Variants in DENND2B observed in about 807,000 individuals in gnomAD.
The protein encoded by DENND2B is DENN domain containing 2B.
A neutral mutation model predicts 116.0 loss-of-function variants in DENND2B; 32 were observed. That is an observed-to-expected ratio of 0.28 (90% CI 0.21 to 0.37). DENND2B has a LOEUF of 0.37. Among genes scored for constraint, DENND2B ranks in the 10% least tolerant of loss-of-function variants. The pLI is 1.00. For missense variants in DENND2B, 1,276 were observed against 1,477.7 expected (o/e 0.86, Z 2.24); for synonymous variants, 588 against 583.9 (o/e 1.01, Z -0.10).
intron 3 of DENND2B, among the ~76,000 whole-genome samples, chr11:8,853,161 C>T (rs2063069966): frequency 6.6e-6 from 1 of 152,096 alleles, no homozygotes; most frequent in South Asian, 2.1e-4. Context: ...GTCAGAAGTT[C>T]GAGACCGGCC....
intron 1 of DENND2B, among the ~76,000 whole-genome samples, chr11:8,800,416 A>T (rs2060213637): frequency 1.3e-5 from 2 of 152,192 alleles, no homozygotes; most frequent in African/African-American, 4.8e-5. Flanking sequence ...CATCGAGGCT[A>T]AGCTTCTCCT....
intron 1 of DENND2B, among the ~76,000 whole-genome samples, chr11:8,787,439 T>C (rs557138673): frequency 6.6e-6 from 1 of 152,172 alleles, no homozygotes; most frequent in East Asian, 1.9e-4. Context: ...GCCTGCTGAG[T>C]AGCTGGGACT....
intron 4 of DENND2B, among the ~76,000 whole-genome samples, chr11:8,827,438 A>G (rs548516579): frequency 1.3e-5 from 2 of 152,246 alleles, no homozygotes; most frequent in Non-Finnish European, 2.9e-5. Flanking sequence ...GTGATGAAAG[A>G]TTATAGCCAC....
intron 2 of DENND2B, among the ~76,000 whole-genome samples, chr11:8,748,050 A>G (rs1489668802): frequency 6.6e-6 from 1 of 151,972 alleles, no homozygotes; most frequent in Non-Finnish European, 1.5e-5. Flanking sequence ...TCTTCCACCA[A>G]AGCTGGATAC....
chr11:8,846,322 G>T (rs1207655552), intron 3 of DENND2B, among the ~76,000 whole-genome samples: 4 of 152,192 alleles, frequency 2.6e-5, no homozygotes, highest in African/African-American at 9.7e-5. Context: ...GGTAAGGCTG[G>T]TGACATTGGA....
intron 4 of DENND2B, chr11:8,719,068 A>G: frequency 3.0e-6 from 3 of 985,528 alleles, no homozygotes; most frequent in Non-Finnish European, 3.6e-6. Context: ...TGAGTCCCAC[A>G]CTTGTTCTAC....
At chr11:8,735,489 AC>A (rs2048863872) in intron 2 of DENND2B, among the ~76,000 whole-genome samples, 1 of 152,264 alleles carries the variant, frequency 6.6e-6, no homozygotes, top group Non-Finnish European at 1.5e-5. Flanking sequence ...GATTTGCTCC[AC>A]GGCAGCAGTA....
intron 8 of DENND2B, among the ~76,000 whole-genome samples, chr11:8,713,149 A>T (rs1236582614): frequency 6.6e-6 from 1 of 152,144 alleles, no homozygotes; most frequent in East Asian, 1.9e-4. Flanking sequence ...CCTGGGGATG[A>T]GAGGATAATC....
chr11:8,873,659 A>T (rs1405530154), upstream of DENND2B, among the ~76,000 whole-genome samples: 1 of 152,264 alleles, frequency 6.6e-6, no homozygotes, highest in Non-Finnish European at 1.5e-5. Context: ...TATGTATAAG[A>T]GATGGCAAGC....
chr11:8,713,638 C>A (rs1282071654), intron 8 of DENND2B, among the ~76,000 whole-genome samples: 1 of 152,182 alleles, frequency 6.6e-6, no homozygotes, highest in Non-Finnish European at 1.5e-5. Context: ...CCTTGGCCTC[C>A]CAAAGTGCTG....
intron 1 of DENND2B, among the ~76,000 whole-genome samples, chr11:8,891,212 G>A (rs1003776618): frequency 3.3e-5 from 5 of 152,108 alleles, no homozygotes; most frequent in African/African-American, 1.2e-4. Context: ...TCACCACCAG[G>A]CCTGCCCTAC....
At chr11:8,705,996 A>G (rs865998978) in intron 13 of DENND2B, among the ~76,000 whole-genome samples, 1 of 152,010 alleles carries the variant, frequency 6.6e-6, no homozygotes, top group African/African-American at 2.4e-5. Context: ...TGTAGTCCCT[A>G]CAGTTTGGGA....
chr11:8,729,859 C>G (rs1013697156), intron 3 of DENND2B, 91 bp downstream of exon 3: 6 of 1,514,080 alleles, frequency 4.0e-6, no homozygotes, highest in Non-Finnish European at 5.3e-6. Flanking sequence ...GCACTAATGA[C>G]TGCGACCCAT....
In DENND2B at chr11:8,730,472, C is replaced by T; in HGVS notation, c.818G>A (p.Gly273Asp). Residue 273 changes from glycine to aspartate, a missense_variant, in exon 3 of 20, where the codon GGC (glycine) becomes GAC (aspartate). Transcript: ENST00000313726. This position sits in a 1 kb window ranked among gnomAD's most constrained non-coding sequence, Gnocchi z 4.1. ...SEPSAFLRGH[G>D]SRKESSAVLS... ...CACTGCTGAGCTCTCCTTCCTGCTGCCATGCCCCCTGAGGAAGGCGCTGGG... is the reference window on the plus strand; with the variant it reads ...CACTGCTGAGCTCTCCTTCCTGCTGTCATGCCCCCTGAGGAAGGCGCTGGG... The T allele has an allele frequency of 6.2e-7, 1 of 1,611,824 alleles. No homozygotes were observed. The highest frequency in any genetic ancestry group is 8.5e-7 in the Non-Finnish European group (1 of 1,180,010).
At chr11:8,820,991 G>A (rs1010376814) in intron 4 of DENND2B, among the ~76,000 whole-genome samples, 1 of 151,924 alleles carries the variant, frequency 6.6e-6, no homozygotes, top group African/African-American at 2.4e-5. Flanking sequence ...GCATGATGGC[G>A]CATGCCTTAA....
At chr11:8,739,468 TTGAACAC>T (rs1386122587) in intron 2 of DENND2B, among the ~76,000 whole-genome samples, 8 of 152,266 alleles carry the variant, frequency 5.3e-5, no homozygotes, top group African/African-American at 1.4e-4. Flanking sequence ...CTAACAGTGT[TTGAACAC>T]TATAAATCAT....
chr11:8,758,743 G>C (rs574945413), intron 1 of DENND2B, among the ~76,000 whole-genome samples: 3 of 152,080 alleles, frequency 2.0e-5, no homozygotes, highest in Non-Finnish European at 2.9e-5. Flanking sequence ...TAGATGCCGC[G>C]GCTCCCTCCA....
At chr11:8,856,972 A>G (rs569039905) in intron 3 of DENND2B, among the ~76,000 whole-genome samples, 73 of 152,120 alleles carry the variant, frequency 4.8e-4, no homozygotes, top group Non-Finnish European at 8.2e-4. Context: ...AGGCTGGTCT[A>G]GAACTCCTGG....
At chr11:8,768,644 G>A (rs2056329369) in intron 1 of DENND2B, 1 of 152,146 alleles carries the variant, frequency 6.6e-6, no homozygotes, top group Non-Finnish European at 1.5e-5. Context: ...TAGTAGATGT[G>A]ACTAGCAGGC....
Sources: allele counts gnomAD v4.1 joint callset (sites outside exome capture counted in the v4.1 genomes callset), GRCh38; gene constraint gnomAD v4.1.1; non-coding constraint Gnocchi (gnomAD v3.1); transcripts MANE v1.5; gene names NCBI Gene and HGNC (gene_info 2026-07-23, HGNC 2026-07-21).